Variants in LPIN2 observed in about 807,000 individuals in gnomAD.
LPIN2 encodes phosphatidate phosphatase LPIN2.
Under a neutral mutation model 111.4 loss-of-function variants are expected in LPIN2, and 55 were observed. The ratio of observed to expected loss-of-function variants is 0.49; its 90% CI spans 0.40 to 0.62. The LOEUF (loss-of-function observed/expected upper bound fraction) is 0.62. LPIN2 is among the 20% of genes least tolerant of loss of function. The pLI is 0.00. For missense variants in LPIN2, 992 were observed against 1,112.1 expected (o/e 0.89, Z 1.54); for synonymous variants, 425 against 414.0 (o/e 1.03, Z -0.32).
chr18:2,942,831 G>A (rs1183861101), intron 4 of LPIN2, among the ~76,000 whole-genome samples: 2 of 152,248 alleles, frequency 1.3e-5, no homozygotes, highest in Non-Finnish European at 2.9e-5. Context: ...CCATGACAGA[G>A]TAACAAACTA....
At chr18:2,920,695 A>G in intron 19 of LPIN2, 83 bp downstream of exon 19, 1 of 1,038,022 alleles carries the variant, frequency 9.6e-7, no homozygotes, top group Non-Finnish European at 1.5e-6. Flanking sequence ...CTCAAGGATC[A>G]GGGGGAAAAG....
chr18:2,920,208 G>C lies in LPIN2; in HGVS notation c.*85C>G. 6.4e-7 allele frequency: 1 copy of C among 1,568,762 alleles called. No individual in the cohort carries two copies. Reference sequence around the variant, plus strand: ...CACCCGTCCCCGCTGGGGAAGGCTGGTATCTGAGGTCAGCAGAAGAGCCAG... The same window carrying C: ...CACCCGTCCCCGCTGGGGAAGGCTGCTATCTGAGGTCAGCAGAAGAGCCAG... On this transcript the variant is annotated 3_prime_UTR_variant, in exon 20 of 20. Transcript: ENST00000677752.
chr18:3,009,697 T>TC (rs1457534345), intron 1 of LPIN2, among the ~76,000 whole-genome samples: 1 of 152,070 alleles, frequency 6.6e-6, no homozygotes, highest in Non-Finnish European at 1.5e-5. Context: ...CGCCTCGGCC[T>TC]CCCAAAGTGC....
chr18:2,932,256 G>A (rs2077221447), intron 8 of LPIN2, among the ~76,000 whole-genome samples: 1 of 152,080 alleles, frequency 6.6e-6, no homozygotes, highest in South Asian at 2.1e-4. Context: ...TCACATTTGA[G>A]ATATTGAGAA....
chr18:2,928,728 C>A (rs2077171913), intron 10 of LPIN2, 68 bp from the exon 11 acceptor site: 2 of 1,137,678 alleles, frequency 1.8e-6, no homozygotes, highest in East Asian at 4.7e-5. Context: ...GGGAGGGAAT[C>A]AGGGAGGGAG....
At position 2,939,416 on chromosome 18, in the gene LPIN2, G is replaced by C. The variant is rs2077338376; in HGVS notation, c.822+64C>G. 6.3e-6 allele frequency: 10 copies of C among 1,599,978 alleles called. No individual in the cohort carries two copies. The South Asian group carries it at 7.7e-5, about 12-fold the overall frequency. On this transcript the variant is annotated intron_variant, in intron 6 of 19. Coordinates refer to ENST00000677752, the MANE Select transcript of LPIN2 (RefSeq NM_001375808.2). The stretch of plus-strand genomic sequence containing the variant: ...CAGAAATTGCCTCCTTTACTTATGG[G>C]CAGAGGAATTCGTCACTTGTTTAAT...
Position 2,922,105 on chromosome 18 carries a change from T to C in LPIN2, c.2269A>G (p.Ile757Val), listed in dbSNP as rs768689791. The change falls in exon 17 of 20, where the codon ATC (isoleucine) becomes GTC (valine). Residue 757 changes from isoleucine (I) to valine (V), a missense_variant. Physicochemically the swap from Ile to Val is conservative, Grantham distance 29 (BLOSUM62 3). This residue lies in a region of LPIN2 where 185 missense variants were observed against 186.5 expected (regional missense o/e 0.99). Coordinates refer to ENST00000677752, the MANE Select transcript of LPIN2 (RefSeq NM_001375808.2). Reference protein sequence around the residue: ...YLHWVNDKGTILPRGPLMLSP... With the variant: ...YLHWVNDKGTVLPRGPLMLSP... ...AGCATCAGGGGGCCCCGGGGCAAGA[T>C]TGTGCCCTTGTCATTGACCCAGTGC... 11 of 1,614,088 alleles carry C rather than the reference T, an allele frequency of 6.8e-6. No individual in the cohort carries two copies. The highest frequency in any genetic ancestry group is 1.1e-5 in the South Asian group (1 of 91,080).
chr18:2,990,703 T>A, intron 1 of LPIN2: 5 of 308,454 alleles, frequency 1.6e-5, no homozygotes, highest in South Asian at 1.4e-4. Context: ...GAGAAAGACA[T>A]ATTGCAGTGG....
intron 4 of LPIN2, among the ~76,000 whole-genome samples, chr18:2,948,579 A>T (rs1467515615): frequency 6.6e-6 from 1 of 152,216 alleles, no homozygotes; most frequent in East Asian, 1.9e-4. Flanking sequence ...GACACAGGTC[A>T]ACAAAATTCT....
chr18:2,945,517 T>C lies in LPIN2; in HGVS notation c.591-4805A>G, dbSNP rs1172702008. On this transcript the variant is annotated intron_variant, in intron 4 of 19. Transcript: ENST00000677752. ...TCACACAGTATTAAAAATTCTGAAA[T>C]ACGTAATAGCCTTCCTCCCATCTCC... 7.2e-6 allele frequency: 8 copies of C among 1,112,354 alleles called. No individual in the cohort carries two copies. In the African/African-American group the frequency reaches 7.7e-5, roughly 11 times the overall value. 68.9% of individuals were successfully genotyped at this position (1,112,354 alleles called of 1,614,324 possible). A position where few individuals can be genotyped will look rare whatever the true frequency, so the allele number is the denominator to read the frequency against.
intron 19 of LPIN2, 57 bp downstream of exon 19, chr18:2,920,721 T>A (rs1054554863): frequency 7.7e-6 from 10 of 1,295,734 alleles, no homozygotes; most frequent in Non-Finnish European, 1.1e-5. Context: ...GGTCTGTCTG[T>A]CCCCAACTGT....
chr18:2,938,349 C>A (rs1379119548), intron 6 of LPIN2, among the ~76,000 whole-genome samples: 2 of 152,084 alleles, frequency 1.3e-5, no homozygotes, highest in Non-Finnish European at 2.9e-5. Flanking sequence ...CAGGATGAAA[C>A]CCTGTCTCTA....
intron 1 of LPIN2, among the ~76,000 whole-genome samples, chr18:3,000,726 T>C (rs73936902): frequency 3.3e-5 from 5 of 152,232 alleles, no homozygotes; most frequent in South Asian, 4.1e-4. Flanking sequence ...TCTGGTGACA[T>C]AGGGCCTGCT....
chr18:2,953,855 TAA>T (rs1178511170), intron 3 of LPIN2, among the ~76,000 whole-genome samples: 4 of 152,240 alleles, frequency 2.6e-5, no homozygotes, highest in African/African-American at 9.6e-5. Flanking sequence ...AATAAATAAA[TAA>T]AAAGATCCAC....
chr18:2,940,463 T>C (rs2077353432), intron 5 of LPIN2, 142 bp downstream of exon 5: 3 of 612,370 alleles, frequency 4.9e-6, no homozygotes, highest in Non-Finnish European at 8.7e-6. Flanking sequence ...GAGAAAAGAT[T>C]CATATTTATG....
chr18:2,943,105 G>A (rs1301969899), intron 4 of LPIN2, among the ~76,000 whole-genome samples: 13 of 152,198 alleles, frequency 8.5e-5, no homozygotes, highest in East Asian at 7.7e-4. Context: ...AAAAGCTAAC[G>A]GAGGTTACAT....
intron 1 of LPIN2, among the ~76,000 whole-genome samples, chr18:2,983,234 T>A (rs2143384390): frequency 6.6e-6 from 1 of 152,314 alleles, no homozygotes; most frequent in South Asian, 2.1e-4. Flanking sequence ...GCAGGGAGCT[T>A]CCCAAAGTCA....
At chr18:2,928,244 C>CGTGA (rs1186345772) in intron 11 of LPIN2, among the ~76,000 whole-genome samples, 1 of 152,186 alleles carries the variant, frequency 6.6e-6, no homozygotes, top group Non-Finnish European at 1.5e-5. Flanking sequence ...GGCTACATCA[C>CGTGA]CTTCTTCTTG....
intron 18 of LPIN2, chr18:2,921,221 T>G: frequency 1.8e-6 from 1 of 549,372 alleles, no homozygotes; most frequent in East Asian, 3.2e-5. Flanking sequence ...TGACCCTGGC[T>G]CTGGGGTGAT....
Sources: gnomAD v4.1 joint callset for allele counts (sites outside exome capture counted in the v4.1 genomes callset) on GRCh38, gnomAD v4.1.1 for gene constraint, gnomAD v4.1.1 regional missense constraint, MANE v1.5 for transcripts, NCBI Gene and HGNC (gene_info 2026-07-23, HGNC 2026-07-21) for gene names.